The following DCPH1 variants were observed in gnomAD, a reference collection of about 807,000 sequenced individuals.
DCPH1 encodes the protein damage-control phosphatase 1.
the DCPH1 span, chr6:151,458,507 C>A: frequency 1.2e-6 from 2 of 1,612,628 alleles, no homozygotes; most frequent in South Asian, 2.2e-5. Context: ...CAAGATGGTT[C>A]TACTCACCGT....
chr6:151,454,218 A>G, the DCPH1 span, among the ~76,000 whole-genome samples: 1 of 152,214 alleles, frequency 6.6e-6, no homozygotes, highest in African/African-American at 2.4e-5. Context: ...TTTGATTTCT[A>G]AGCTAATCCA....
the DCPH1 span, among the ~76,000 whole-genome samples, chr6:151,455,043 T>C: frequency 6.6e-6 from 1 of 152,208 alleles, no homozygotes; most frequent in African/African-American, 2.4e-5. Flanking sequence ...TCTTGAGTCC[T>C]GGAAGTTCAA....
chr6:151,457,371 C>T, the DCPH1 span, among the ~76,000 whole-genome samples: 1 of 152,158 alleles, frequency 6.6e-6, no homozygotes, highest in African/African-American at 2.4e-5. Flanking sequence ...ATCCATTAGC[C>T]TTTTTAGGTA....
the DCPH1 span, chr6:151,458,344 AAAAG>A: frequency 1.9e-6 from 3 of 1,611,860 alleles, no homozygotes; most frequent in Non-Finnish European, 2.5e-6. Flanking sequence ...GTGGAAGCTG[AAAAG>A]AAAGCTATCT....
At chr6:151,463,444 A>G in the DCPH1 span, among the ~76,000 whole-genome samples, 11 of 152,198 alleles carry the variant, frequency 7.2e-5, no homozygotes, top group Non-Finnish European at 1.2e-4. Flanking sequence ...AATTGACTCC[A>G]AAGGATGAAG....
chr6:151,464,508 G>A, the DCPH1 span: 1 of 1,610,106 alleles, frequency 6.2e-7, no homozygotes, highest in South Asian at 1.1e-5. Context: ...AAATTTCTAT[G>A]GGTCACAGGA....
chr6:151,467,366 C>A, the DCPH1 span, among the ~76,000 whole-genome samples: 1 of 151,294 alleles, frequency 6.6e-6, no homozygotes, highest in Admixed American at 6.6e-5. Flanking sequence ...TGGGAGGCCA[C>A]GGCAGGAGGA....
At chr6:151,458,518 G>T in the DCPH1 span, 1 of 1,612,110 alleles carries the variant, frequency 6.2e-7, no homozygotes, top group South Asian at 1.1e-5. Context: ...TACTCACCGT[G>T]GTTGTTGGTA....
At chr6:151,462,841 G>T in the DCPH1 span, among the ~76,000 whole-genome samples, 1 of 152,124 alleles carries the variant, frequency 6.6e-6, no homozygotes, top group African/African-American at 2.4e-5. Context: ...CTTAATATGA[G>T]ATGTGACTTT....
the DCPH1 span, among the ~76,000 whole-genome samples, chr6:151,456,934 G>A: frequency 6.6e-6 from 1 of 152,204 alleles, no homozygotes; most frequent in Non-Finnish European, 1.5e-5. Flanking sequence ...GTGACTGAAG[G>A]CAGAGTTTAT....
the DCPH1 span, among the ~76,000 whole-genome samples, chr6:151,461,002 G>C: frequency 1.3e-4 from 20 of 152,212 alleles, no homozygotes; most frequent in Admixed American, 4.6e-4. Context: ...AGGTGACATG[G>C]CTAGTAGGTG....
chr6:151,458,094 C>T, the DCPH1 span, among the ~76,000 whole-genome samples: 1 of 152,004 alleles, frequency 6.6e-6, no homozygotes, highest in African/African-American at 2.4e-5. Flanking sequence ...ATGGTCATCC[C>T]ACCGAAGATA....
At chr6:151,454,614 G>A in the DCPH1 span, 10 of 1,579,856 alleles carry the variant, frequency 6.3e-6, no homozygotes, top group Non-Finnish European at 8.7e-6. Flanking sequence ...TTGATACATT[G>A]CATCGACATA....
At chr6:151,459,277 A>T in the DCPH1 span, among the ~76,000 whole-genome samples, 1 of 152,270 alleles carries the variant, frequency 6.6e-6, no homozygotes, top group Non-Finnish European at 1.5e-5. Context: ...CAAAGTAAGC[A>T]TATGTTTTGT....
the DCPH1 span, among the ~76,000 whole-genome samples, chr6:151,468,027 C>T: frequency 9.9e-5 from 15 of 152,264 alleles, no homozygotes; most frequent in African/African-American, 3.1e-4. Flanking sequence ...TTCACACATC[C>T]GATGATGTTC....
the DCPH1 span, among the ~76,000 whole-genome samples, chr6:151,460,786 A>G: frequency 6.6e-6 from 1 of 151,960 alleles, no homozygotes; most frequent in Admixed American, 6.5e-5. Flanking sequence ...TCTGTCTCAA[A>G]AAAAAAACAA....
At chr6:151,458,417 T>A in the DCPH1 span, 1 of 1,613,654 alleles carries the variant, frequency 6.2e-7, no homozygotes, top group Non-Finnish European at 8.5e-7. Context: ...TCCCCTTGGT[T>A]GAGAAATTTG....
chr6:151,466,055 A>G, the DCPH1 span, among the ~76,000 whole-genome samples: 2 of 152,194 alleles, frequency 1.3e-5, no homozygotes. Context: ...AGTAGCTGGA[A>G]TTACAGGCGT....
chr6:151,452,946 T>C, the DCPH1 span: 60 of 233,610 alleles, frequency 2.6e-4, 1 homozygote, highest in Admixed American at 3.1e-3. Context: ...GGTTTCTCCC[T>C]GTTGTTGATC....
Sources: gnomAD v4.1 joint callset for allele counts (sites outside exome capture counted in the v4.1 genomes callset) on GRCh38, gnomAD v4.1.1 for gene constraint, MANE v1.5 for transcripts, NCBI Gene and HGNC (gene_info 2026-07-23, HGNC 2026-07-21) for gene names.